The following LRRIQ3 variants were observed in gnomAD, a reference collection of about 807,000 sequenced individuals.
The protein encoded by LRRIQ3 is leucine-rich repeat and IQ domain-containing protein 3.
Under a neutral mutation model 59.3 loss-of-function variants are expected in LRRIQ3, and 75 were observed. The ratio of observed to expected loss-of-function variants is 1.26; its 90% CI spans 1.05 to 1.53. The LOEUF is 1.53. Ranked by LOEUF, LRRIQ3 falls within the 40% of genes most tolerant of loss-of-function variation. LRRIQ3 has a pLI of 0.00. For missense variants in LRRIQ3, 831 were observed against 710.0 expected, an observed-to-expected ratio of 1.17 and a Z score of -1.94; for synonymous variants, 250 against 231.3, an observed-to-expected ratio of 1.08 and a Z score of -0.73.
chr1:74,167,015 T>C (rs544688509), intron 3 of LRRIQ3, among the ~76,000 whole-genome samples: 2 of 152,122 alleles, frequency 1.3e-5, no homozygotes, highest in South Asian at 4.1e-4. Flanking sequence ...TGTAAACTAT[T>C]ACAACCACTA....
intron 7 of LRRIQ3, among the ~76,000 whole-genome samples, chr1:74,037,860 T>A (rs993831566): frequency 3.9e-5 from 6 of 152,028 alleles, no homozygotes. Flanking sequence ...AACCCAAGGA[T>A]TGGAGGATCC....
chr1:74,131,907 T>C (rs1470270391), intron 4 of LRRIQ3, among the ~76,000 whole-genome samples: 1 of 152,160 alleles, frequency 6.6e-6, no homozygotes, highest in East Asian at 1.9e-4. Context: ...AAATAAAGGG[T>C]ATTCAATTAG....
At chr1:74,040,494 C>G (rs1017347800) in intron 7 of LRRIQ3, among the ~76,000 whole-genome samples, 3 of 152,186 alleles carry the variant, frequency 2.0e-5, no homozygotes, top group African/African-American at 7.2e-5. Context: ...ATACATTCTT[C>G]TCAGTGCCAC....
At position 74,183,422 on chromosome 1, in the gene LRRIQ3, T is replaced by A; in HGVS notation, c.249+14A>T. 6.6e-7 allele frequency: 1 copy of A among 1,526,280 alleles called. No homozygotes were observed. Among genetic ancestry groups the A allele is most frequent in the Non-Finnish European group, 8.8e-7 (1 of 1,137,772 alleles). The allele number at this position is 1,526,280 out of a possible 1,614,324, so 94.5% of individuals were successfully genotyped here. Reference sequence around the variant, plus strand: ...TTCGTTTATATGCAAATATCTGAAATGGCTATTGCTTACCTGATTTCCATG... The same window carrying A: ...TTCGTTTATATGCAAATATCTGAAAAGGCTATTGCTTACCTGATTTCCATG... On this transcript the variant is annotated intron_variant, in intron 2 of 7. Transcript: ENST00000354431.
At chr1:74,059,698 T>A (rs1222998045) in intron 6 of LRRIQ3, among the ~76,000 whole-genome samples, 3 of 152,100 alleles carry the variant, frequency 2.0e-5, no homozygotes, top group African/African-American at 7.2e-5. Context: ...ACATTCTATG[T>A]GGACTTTAGG....
intron 5 of LRRIQ3, among the ~76,000 whole-genome samples, chr1:74,090,211 T>C (rs1320973976): frequency 6.6e-6 from 1 of 152,092 alleles, no homozygotes; most frequent in Non-Finnish European, 1.5e-5. Context: ...TAGGATCTTA[T>C]GCATTTTCTG....
chr1:74,183,159 A>T lies in LRRIQ3; in HGVS notation c.249+277T>A. The stretch of plus-strand genomic sequence containing the variant: ...TAAACTTTTCTAAAATACTTTCCTT[A>T]CCTAAGGAAAATTAAGGAATCATGA... On this transcript the variant is annotated intron_variant, in intron 2 of 7. Coordinates refer to ENST00000354431, the MANE Select transcript of LRRIQ3 (RefSeq NM_001105659.2). 1.3e-5 allele frequency: 4 copies of T among 315,990 alleles called. No homozygotes were observed. In the South Asian group the frequency reaches 3.4e-4, roughly 27 times the overall value. 19.6% of individuals were successfully genotyped at this position (315,990 alleles called of 1,614,324 possible). A position where few individuals can be genotyped will look rare whatever the true frequency, so the allele number is the denominator to read the frequency against.
chr1:74,054,946 ATT>A (rs1225118672), intron 6 of LRRIQ3, among the ~76,000 whole-genome samples: 2 of 147,372 alleles, frequency 1.4e-5, no homozygotes, highest in Non-Finnish European at 3.0e-5. Context: ...CATATTATGA[ATT>A]ATATAATTAT....
At chr1:74,146,321 C>A (rs972105339) in intron 4 of LRRIQ3, among the ~76,000 whole-genome samples, 1 of 151,858 alleles carries the variant, frequency 6.6e-6, no homozygotes, top group Non-Finnish European at 1.5e-5. Flanking sequence ...TGTTAGTGTA[C>A]CATTATATAT....
chr1:74,086,706 A>G (rs903188585), intron 5 of LRRIQ3, among the ~76,000 whole-genome samples: 3 of 152,162 alleles, frequency 2.0e-5, no homozygotes, highest in African/African-American at 2.4e-5. Flanking sequence ...AACTGGGAAC[A>G]TGAGTTAGGC....
chr1:74,085,700 G>T lies in LRRIQ3; in HGVS notation c.868-10910C>A, dbSNP rs193166580. 2.9e-3 allele frequency among the ~76,000 whole-genome samples: 447 copies of T among 152,094 alleles called. 1 individual carries two copies. Among genetic ancestry groups the T allele is most frequent in the African/African-American group, 0.01 (421 of 41,526 alleles). Reference sequence around the variant, plus strand: ...GCCCAGAATTTAATTTAAGGCAAATGAACAAAGGCTTTTAGTGCCTACTTT... The same window carrying T: ...GCCCAGAATTTAATTTAAGGCAAATTAACAAAGGCTTTTAGTGCCTACTTT... On this transcript the variant is annotated intron_variant, in intron 5 of 7. Transcript: ENST00000354431.
chr1:74,189,782 C>T (rs1219794257), intron 1 of LRRIQ3, among the ~76,000 whole-genome samples: 1 of 152,058 alleles, frequency 6.6e-6, no homozygotes, highest in African/African-American at 2.4e-5. Flanking sequence ...ATGTGACTTC[C>T]ACCTTCTACC....
intron 1 of LRRIQ3, among the ~76,000 whole-genome samples, chr1:74,191,393 T>G (rs1027448757): frequency 5.3e-5 from 8 of 152,000 alleles, no homozygotes; most frequent in Non-Finnish European, 1.0e-4. Flanking sequence ...AAAATAAAAA[T>G]CTCTTATTTT....
At position 74,026,864 on chromosome 1, in the gene LRRIQ3, T is replaced by A. The variant is rs1653529920; in HGVS notation, c.1824A>T (p.Ala608=). The A allele has an allele frequency of 6.2e-7, 1 of 1,608,838 alleles. No individual in the cohort carries two copies. The highest frequency in any genetic ancestry group is 1.3e-5 in the African/African-American group (1 of 74,680). The part of the protein sequence containing the change: ...ERLQDAKTKV[A]IVKTNLDFKV... ...TAAAGTCTAAATTTGTTTTCACAAT[T>A]GCTACTTTTGTTTTAGCATCTTGAA... is the stretch of plus-strand genomic sequence containing the variant. The change falls in exon 8 of 8, where the codon GCA becomes GCT. Residue 608 remains alanine (A), a synonymous_variant. Transcript: ENST00000354431.
At chr1:74,064,336 T>TTTAA (rs1654812355) in intron 6 of LRRIQ3, among the ~76,000 whole-genome samples, 1 of 151,980 alleles carries the variant, frequency 6.6e-6, no homozygotes, top group South Asian at 2.1e-4. Context: ...CTTTATGCTG[T>TTTAA]TATTACCAAA....
At chr1:74,183,101 C>A in intron 2 of LRRIQ3, 1 of 330,200 alleles carries the variant, frequency 3.0e-6, no homozygotes, top group Non-Finnish European at 5.4e-6. Context: ...CTTTTTTGTT[C>A]AAAGAAAATT....
intron 1 of LRRIQ3, among the ~76,000 whole-genome samples, chr1:74,192,362 A>T (rs2100744512): frequency 6.6e-6 from 1 of 152,200 alleles, no homozygotes; most frequent in Non-Finnish European, 1.5e-5. Flanking sequence ...ATAGCACCCA[A>T]CAGGTAGTTT....
chr1:74,154,244 A>C (rs865901535), intron 4 of LRRIQ3, among the ~76,000 whole-genome samples: 56 of 12,386 alleles, frequency 4.5e-3, no homozygotes, highest in African/African-American at 8.7e-3. Context: ...CCTTCTCAAA[A>C]AAAAAAAAAA....
At chr1:74,140,257 A>C (rs1647209062) in intron 4 of LRRIQ3, among the ~76,000 whole-genome samples, 1 of 151,918 alleles carries the variant, frequency 6.6e-6, no homozygotes. Context: ...AACTAAATAC[A>C]AAACAAGCCA....
Sources: allele counts gnomAD v4.1 joint callset (sites outside exome capture counted in the v4.1 genomes callset), GRCh38; gene constraint gnomAD v4.1.1; transcripts MANE v1.5; gene names NCBI Gene and HGNC (gene_info 2026-07-23, HGNC 2026-07-21).